The following NCOR1 variants were observed in gnomAD, a reference collection of about 807,000 sequenced individuals.
The protein encoded by NCOR1 is protein phosphatase 1, regulatory subunit 109.
Under a neutral mutation model 288.1 loss-of-function variants are expected in NCOR1, and 63 were observed. The ratio of observed to expected loss-of-function variants is 0.22; its 90% CI spans 0.18 to 0.27. NCOR1 has a LOEUF of 0.27. NCOR1 is among the 10% of genes least tolerant of loss of function. The probability of loss-of-function intolerance (pLI) is 1.00; values close to 1 mark genes in which losing one functional copy is unlikely to be tolerated. For synonymous variants in NCOR1, 1,007 were observed against 1,065.9 expected, an observed-to-expected ratio of 0.94 and a Z score of 1.08; for missense variants, 2,397 against 3,019.2, an observed-to-expected ratio of 0.79 and a Z score of 4.83.
rs182809418 is a variant in NCOR1 at position 16,124,224 on chromosome 17, T to C, written c.1634+1858A>G. The stretch of plus-strand genomic sequence containing the variant: ...AACAGTTCCACAAGGACTATAGATA[T>C]AACATAATAAATATTAAAAAGGAAC... On this transcript the variant is annotated intron_variant, in intron 15 of 45. Transcript: ENST00000268712. Among the ~76,000 whole-genome samples, 8 of 150,862 alleles carry C rather than the reference T, an allele frequency of 5.3e-5. 1 individual carries two copies. In the East Asian group the frequency reaches 1.5e-3, roughly 29 times the overall value.
chr17:16,097,452 T>C (rs2066845867), intron 21 of NCOR1, among the ~76,000 whole-genome samples: 1 of 152,140 alleles, frequency 6.6e-6, no homozygotes, highest in South Asian at 2.1e-4. Flanking sequence ...GGAGAGGGGC[T>C]AAAGGTTCAT....
intron 2 of NCOR1, 152 bp downstream of exon 2, chr17:16,194,310 C>T (rs958744947): frequency 6.3e-6 from 3 of 475,092 alleles, no homozygotes; most frequent in Non-Finnish European, 1.1e-5. Context: ...AATTAATTCC[C>T]AATCTTTGGT....
intron 2 of NCOR1, among the ~76,000 whole-genome samples, chr17:16,193,393 G>C (rs1253625057): frequency 2.0e-5 from 3 of 151,908 alleles, no homozygotes; most frequent in Non-Finnish European, 4.4e-5. Flanking sequence ...ACGATGCCTG[G>C]CTACTTTTTT....
intron 1 of NCOR1, among the ~76,000 whole-genome samples, chr17:16,207,319 T>C (rs941396681): frequency 6.6e-6 from 1 of 152,210 alleles, no homozygotes; most frequent in Non-Finnish European, 1.5e-5. Context: ...ACTCTGAATG[T>C]GAACTGTGTA....
At chr17:16,177,238 G>A (rs1428591876) in intron 3 of NCOR1, among the ~76,000 whole-genome samples, 1 of 151,738 alleles carries the variant, frequency 6.6e-6, no homozygotes, top group Non-Finnish European at 1.5e-5. Flanking sequence ...TTTTGTTTTT[G>A]AATACTTCAT....
Position 16,087,186 on chromosome 17 carries a change from T to C in NCOR1, c.3017-744A>G, listed in dbSNP as rs759430202. ...GTGATATTTACCTGGCGGGACACTATAGCGGGCTGCACTCATATCAGGCTG... is the reference window on the plus strand; with the variant it reads ...GTGATATTTACCTGGCGGGACACTACAGCGGGCTGCACTCATATCAGGCTG... On this transcript the variant is annotated intron_variant, in intron 22 of 45. Coordinates refer to ENST00000268712, the MANE Select transcript of NCOR1 (RefSeq NM_006311.4). 4 of 1,303,916 alleles carry C rather than the reference T, an allele frequency of 3.1e-6. No individual in the cohort carries two copies. The South Asian group carries it at 3.7e-5, about 12-fold the overall frequency. The allele number at this position is 1,303,916 out of a possible 1,614,324, so 80.8% of individuals were successfully genotyped here. A position where few individuals can be genotyped will look rare whatever the true frequency, so the allele number is the denominator to read the frequency against.
intron 20 of NCOR1, among the ~76,000 whole-genome samples, chr17:16,100,300 G>T (rs2067378841): frequency 6.6e-6 from 1 of 152,074 alleles, no homozygotes; most frequent in African/African-American, 2.4e-5. Flanking sequence ...AAACCATAAA[G>T]ATATGATACA....
At chr17:16,213,366 G>A (rs1388211229) in intron 1 of NCOR1, among the ~76,000 whole-genome samples, 2 of 151,714 alleles carry the variant, frequency 1.3e-5, no homozygotes, top group African/African-American at 4.8e-5. Flanking sequence ...GGTGGCACGC[G>A]CCTGTAGTCC....
At chr17:16,180,102 G>A (rs1012832282) in intron 3 of NCOR1, among the ~76,000 whole-genome samples, 8 of 151,966 alleles carry the variant, frequency 5.3e-5, no homozygotes, top group Non-Finnish European at 1.2e-4. Context: ...ATCAATCAAT[G>A]GGATATATCA....
At chr17:16,108,508 T>C (rs1014322680) in intron 19 of NCOR1, among the ~76,000 whole-genome samples, 1 of 152,130 alleles carries the variant, frequency 6.6e-6, no homozygotes, top group African/African-American at 2.4e-5. Context: ...AACAAATAAA[T>C]GTGGCAATGA....
At chr17:16,145,816 G>A (rs1038274737) in intron 10 of NCOR1, among the ~76,000 whole-genome samples, 1 of 152,228 alleles carries the variant, frequency 6.6e-6, no homozygotes, top group Non-Finnish European at 1.5e-5. Context: ...CTCATTGAGA[G>A]CCGGCCAGGA....
chr17:16,052,327 G>A (rs866284152), intron 40 of NCOR1, among the ~76,000 whole-genome samples: 1 of 151,934 alleles, frequency 6.6e-6, no homozygotes, highest in African/African-American at 2.4e-5. Flanking sequence ...CCCGGCCTCA[G>A]AATCTGGTTT....
At chr17:16,156,389 T>C (rs1371014992) in intron 6 of NCOR1, among the ~76,000 whole-genome samples, 6 of 150,026 alleles carry the variant, frequency 4.0e-5, no homozygotes, top group Non-Finnish European at 5.9e-5. Flanking sequence ...TGAGCTGAGA[T>C]TGCGCCACAG....
chr17:16,051,694 C>T (rs182439971), intron 40 of NCOR1, among the ~76,000 whole-genome samples: 70 of 152,132 alleles, frequency 4.6e-4, no homozygotes, highest in African/African-American at 1.6e-3. Flanking sequence ...GGCGGATCAC[C>T]GGAGGTCGGG....
chr17:16,107,180 C>T (rs2068949028), intron 19 of NCOR1, among the ~76,000 whole-genome samples: 1 of 152,016 alleles, frequency 6.6e-6, no homozygotes, highest in African/African-American at 2.4e-5. Context: ...CAGGCATGAG[C>T]CACTGCGCCC....
intron 21 of NCOR1, among the ~76,000 whole-genome samples, chr17:16,096,703 G>A (rs1330654992): frequency 1.3e-5 from 2 of 151,986 alleles, no homozygotes; most frequent in African/African-American, 4.8e-5. Flanking sequence ...ATAACCTTTG[G>A]TTATCTCAAA....
At chr17:16,183,905 A>G (rs780169872) in intron 3 of NCOR1, among the ~76,000 whole-genome samples, 12 of 152,214 alleles carry the variant, frequency 7.9e-5, no homozygotes, top group Non-Finnish European at 1.8e-4. Context: ...TCAGTAGAAA[A>G]GAATAGAAAG....
Position 16,079,955 on chromosome 17 carries a change from G to T in NCOR1, c.3501+9C>A. 6.2e-7 allele frequency: 1 copy of T among 1,604,702 alleles called. No homozygotes were observed. The highest frequency in any genetic ancestry group is 8.5e-7 in the Non-Finnish European group (1 of 1,171,784). ...TCTGTTGAGTATATCAGAGATGATCGTGACTAACCTGAGTGATAGAGCCCC... is the reference window on the plus strand; with the variant it reads ...TCTGTTGAGTATATCAGAGATGATCTTGACTAACCTGAGTGATAGAGCCCC... On this transcript the variant is annotated intron_variant, in intron 26 of 45. Coordinates refer to ENST00000268712, the MANE Select transcript of NCOR1 (RefSeq NM_006311.4).
chr17:16,095,133 C>T (rs1310752659), intron 21 of NCOR1, among the ~76,000 whole-genome samples: 3 of 151,762 alleles, frequency 2.0e-5, no homozygotes, highest in Admixed American at 6.6e-5. Flanking sequence ...CGCCTCTTCC[C>T]GGCCGCCATC....
Sources: allele counts gnomAD v4.1 joint callset (sites outside exome capture counted in the v4.1 genomes callset), GRCh38; gene constraint gnomAD v4.1.1; transcripts MANE v1.5; gene names NCBI Gene and HGNC (gene_info 2026-07-23, HGNC 2026-07-21).